The following SORCS1 variants were observed in gnomAD, a reference collection of about 807,000 sequenced individuals.
SORCS1 encodes sortilin related VPS10 domain containing receptor 1.
A neutral mutation model predicts 146.1 loss-of-function variants in SORCS1; 60 were observed. That is an observed-to-expected ratio of 0.41 (90% CI 0.33 to 0.51). SORCS1 has a LOEUF of 0.51. SORCS1 is among the 20% of genes least tolerant of loss of function. SORCS1 has a pLI of 0.21. For missense variants in SORCS1, 1,352 were observed against 1,487.6 expected (o/e 0.91, Z 1.50); for synonymous variants, 637 against 584.0 (o/e 1.09, Z -1.31).
Position 106,623,904 on chromosome 10 carries a change from G to A in SORCS1, c.2663-3343C>T, listed in dbSNP as rs909018984. Among the ~76,000 whole-genome samples, 3 of 152,068 alleles carry A rather than the reference G, an allele frequency of 2.0e-5. No homozygotes were observed. The East Asian group carries it at 5.8e-4, about 30-fold the overall frequency. Reference sequence around the variant, plus strand: ...TCACCATGTTGGCCAGGCTGGTCTCGAACTCCTGACCTCAAGTGATCCACC... The same window carrying A: ...TCACCATGTTGGCCAGGCTGGTCTCAAACTCCTGACCTCAAGTGATCCACC... On this transcript the variant is annotated intron_variant, in intron 19 of 25. Coordinates refer to ENST00000263054, the MANE Select transcript of SORCS1 (RefSeq NM_052918.5).
chr10:106,677,440 A>T (rs1244613998), intron 12 of SORCS1, 36 bp from the exon 13 acceptor site: 1 of 1,546,806 alleles, frequency 6.5e-7, no homozygotes, highest in Non-Finnish European at 8.9e-7. Flanking sequence ...ACACACATCC[A>T]CATCCACACA....
At chr10:107,037,887 T>C (rs6584787) in intron 1 of SORCS1, among the ~76,000 whole-genome samples, 130,506 of 152,248 alleles carry the variant, frequency 0.86, 56,128 homozygotes, top group East Asian at 0.97. Flanking sequence ...AGTGTAGTGG[T>C]GCGATCTTGG....
At chr10:107,111,596 AAT>A (rs1404210573) in intron 1 of SORCS1, among the ~76,000 whole-genome samples, 2 of 152,188 alleles carry the variant, frequency 1.3e-5, no homozygotes, top group Non-Finnish European at 2.9e-5. Context: ...CAATTGTACA[AAT>A]ATATAAACTG....
intron 1 of SORCS1, among the ~76,000 whole-genome samples, chr10:106,986,028 A>T (rs972075860): frequency 2.0e-5 from 3 of 152,208 alleles, no homozygotes; most frequent in Non-Finnish European, 2.9e-5. Context: ...ATGATGTAAC[A>T]ATTAAAAGTT....
chr10:106,748,120 T>C (rs1449127969), intron 5 of SORCS1, among the ~76,000 whole-genome samples: 1 of 152,164 alleles, frequency 6.6e-6, no homozygotes, highest in African/African-American at 2.4e-5. Flanking sequence ...TGATTGCACT[T>C]CTTTTTATTG....
chr10:106,822,998 G>A (rs982095039), intron 3 of SORCS1, among the ~76,000 whole-genome samples: 1 of 151,920 alleles, frequency 6.6e-6, no homozygotes. Flanking sequence ...GGCCAGGCTG[G>A]TCTCAAACTC....
chr10:106,585,514 C>G (rs1431212411), intron 24 of SORCS1, among the ~76,000 whole-genome samples: 2 of 152,102 alleles, frequency 1.3e-5, no homozygotes, highest in Non-Finnish European at 2.9e-5. Context: ...GTTAAACTAC[C>G]TAAAAGCATC....
chr10:106,918,327 A>AT (rs1365923760), intron 2 of SORCS1, among the ~76,000 whole-genome samples: 2 of 151,788 alleles, frequency 1.3e-5, no homozygotes, highest in African/African-American at 2.4e-5. Context: ...CGCCTGGCTA[A>AT]TTTTTTTGTA....
At chr10:106,612,533 C>T (rs1847077032) in intron 21 of SORCS1, among the ~76,000 whole-genome samples, 1 of 151,918 alleles carries the variant, frequency 6.6e-6, no homozygotes, top group South Asian at 2.1e-4. Context: ...CCCTCTCACC[C>T]TAGCCTTTTA....
intron 1 of SORCS1, among the ~76,000 whole-genome samples, chr10:106,974,862 T>TTCCTTGGGAGC (rs1955928550): frequency 6.6e-6 from 1 of 152,194 alleles, no homozygotes; most frequent in Non-Finnish European, 1.5e-5. Context: ...AACAAAACAG[T>TTCCTTGGGAGC]TCCTTGGGAG....
At chr10:107,014,927 T>C (rs1451521596) in intron 1 of SORCS1, among the ~76,000 whole-genome samples, 1 of 152,208 alleles carries the variant, frequency 6.6e-6, no homozygotes, top group Non-Finnish European at 1.5e-5. Flanking sequence ...CAATTGTGGT[T>C]GGAATATGGT....
At chr10:106,835,937 G>A (rs1225363719) in intron 2 of SORCS1, among the ~76,000 whole-genome samples, 2 of 151,792 alleles carry the variant, frequency 1.3e-5, no homozygotes, top group Middle Eastern at 3.5e-3. Context: ...CTCGGAAGGC[G>A]GAGGTTGCAG....
intron 23 of SORCS1, among the ~76,000 whole-genome samples, chr10:106,604,826 T>A (rs1846463861): frequency 1.3e-5 from 2 of 152,230 alleles, no homozygotes; most frequent in African/African-American, 4.8e-5. Context: ...ATAATGAACA[T>A]GAATGTAACC....
At chr10:107,162,825 C>T (rs756109722) in intron 1 of SORCS1, among the ~76,000 whole-genome samples, 1 of 152,198 alleles carries the variant, frequency 6.6e-6, no homozygotes. Flanking sequence ...TTCCAGACTG[C>T]GTAAATTGTG....
intron 4 of SORCS1, among the ~76,000 whole-genome samples, chr10:106,772,667 T>C (rs1860115390): frequency 6.6e-6 from 1 of 152,192 alleles, no homozygotes; most frequent in Admixed American, 6.5e-5. Flanking sequence ...CATTCTTCCC[T>C]GATTAAAACC....
intron 2 of SORCS1, among the ~76,000 whole-genome samples, chr10:106,908,520 G>T (rs1344518882): frequency 2.0e-5 from 3 of 152,184 alleles, no homozygotes; most frequent in Non-Finnish European, 4.4e-5. Context: ...CTGGGCTGGT[G>T]TGGATGACAG....
chr10:106,860,613 A>T (rs1949970694), intron 2 of SORCS1, among the ~76,000 whole-genome samples: 2 of 152,228 alleles, frequency 1.3e-5, no homozygotes. Context: ...GGAGTGATGA[A>T]CATGGCCTAG....
At chr10:106,998,086 C>G (rs957352153) in intron 1 of SORCS1, among the ~76,000 whole-genome samples, 7 of 152,216 alleles carry the variant, frequency 4.6e-5, no homozygotes, top group African/African-American at 1.7e-4. Flanking sequence ...TGTGCAAAGC[C>G]TCCTTGTGCG....
chr10:106,885,606 C>T (rs1458317420), intron 2 of SORCS1, among the ~76,000 whole-genome samples: 1 of 152,100 alleles, frequency 6.6e-6, no homozygotes, highest in Non-Finnish European at 1.5e-5. Context: ...ATAGGGGAAG[C>T]AAGGATGCTC....
Sources: allele counts gnomAD v4.1 joint callset (sites outside exome capture counted in the v4.1 genomes callset), GRCh38; gene constraint gnomAD v4.1.1; transcripts MANE v1.5; gene names NCBI Gene and HGNC (gene_info 2026-07-23, HGNC 2026-07-21).